Variants in INTS14 observed in about 807,000 individuals in gnomAD.
INTS14 encodes the protein integrator complex subunit 14, also known as UPF0464 protein C15orf44.
A neutral mutation model predicts 56.9 loss-of-function variants in INTS14; 27 were observed. The observed-to-expected ratio is 0.47, with a 90% CI of 0.35 to 0.65. The LOEUF is 0.65. INTS14 is among the 30% of genes least tolerant of loss of function. INTS14 has a pLI of 0.00. For synonymous variants in INTS14, 207 were observed against 236.2 expected (o/e 0.88, Z 1.13); for missense variants, 517 against 632.2 (o/e 0.82, Z 1.95).
At chr15:65,580,680 G>C (rs16948854) in intron 11 of INTS14, among the ~76,000 whole-genome samples, 4,370 of 152,272 alleles carry the variant, frequency 0.029, 225 homozygotes, top group African/African-American at 0.099. Context: ...CTAGCCTAAG[G>C]CTGGCTGTGT....
chr15:65,609,258 T>C (rs962248553), intron 1 of INTS14, among the ~76,000 whole-genome samples: 1 of 152,090 alleles, frequency 6.6e-6, no homozygotes. Context: ...CAGCCAAAAT[T>C]CCATTTGTAA....
intron 1 of INTS14, among the ~76,000 whole-genome samples, chr15:65,609,723 G>T (rs776798481): frequency 2.0e-5 from 3 of 152,232 alleles, no homozygotes; most frequent in South Asian, 2.1e-4. Flanking sequence ...TCCTGTGGTA[G>T]TCCCATTCAT....
chr15:65,599,614 T>A, intron 4 of INTS14, 160 bp downstream of exon 4: 1 of 802,032 alleles, frequency 1.2e-6, no homozygotes, highest in Admixed American at 3.2e-5. Context: ...AAAGAACATT[T>A]GAGACCCAGA....
At position 65,591,636 on chromosome 15, in the gene INTS14, G is replaced by A. The variant is rs1241223361; in HGVS notation, c.1082C>T (p.Pro361Leu). Residue 361 changes from proline (P) to leucine (L), a missense_variant, in exon 9 of 12, where the codon CCA (proline) becomes CTA (leucine). Transcript: ENST00000313182. ...SLFEPGPEPL[P>L]WLGKMAQLGP... ...CAACTGTGCCATTTTCCCTAGCCAT[G>A]GGAGAGGTTCTGGGCCAGGCTCAAA... The A allele has an allele frequency of 6.2e-7, 1 of 1,614,136 alleles. No homozygotes were observed. Among genetic ancestry groups the A allele is most frequent in the Non-Finnish European group, 8.5e-7 (1 of 1,180,012 alleles).
Position 65,607,149 on chromosome 15 carries a change from C to A in INTS14, c.222+10G>T. The A allele has an allele frequency of 1.2e-6, 2 of 1,612,690 alleles. No individual in the cohort carries two copies. The highest frequency in any genetic ancestry group is 1.7e-6 in the Non-Finnish European group (2 of 1,178,790). On this transcript the variant is annotated intron_variant, in intron 2 of 11. Coordinates refer to ENST00000313182, the MANE Select transcript of INTS14 (RefSeq NM_001394796.1). ...GCCCTGTACATACAATAACTTACTACATTTTGTACCTGTAGGGTATTATAA... is the reference window on the plus strand; with the variant it reads ...GCCCTGTACATACAATAACTTACTAAATTTTGTACCTGTAGGGTATTATAA...
At position 65,595,840 on chromosome 15, in the gene INTS14, T is replaced by G; in HGVS notation, c.749-15A>C. 2 of 1,559,806 alleles carry G rather than the reference T, an allele frequency of 1.3e-6. No individual in the cohort carries two copies. The highest frequency in any genetic ancestry group is 1.8e-6 in the Non-Finnish European group (2 of 1,142,204). On this transcript the variant is annotated splice_polypyrimidine_tract_variant and intron_variant, in intron 6 of 11. Transcript: ENST00000313182. The stretch of plus-strand genomic sequence containing the variant: ...TATTTCCAAATCTGAAATGAAGGAA[T>G]CAACACAGAATTAATTCATTCTATG...
rs1191002190 is a variant in INTS14 at position 65,607,318 on chromosome 15, C to A, written c.63G>T (p.Gly21=). ...LSMTRPVSIE[G]SEEYQRKHLA... is the part of the protein sequence containing the mutation. The stretch of plus-strand genomic sequence containing the variant: ...GGTGCTTACGCTGGTATTCCTCGGA[C>A]CCCTCAATAGACACAGGTCGGGTCA... The change falls in exon 2 of 12, where the codon GGG becomes GGT. Residue 21 remains glycine, a synonymous_variant. Coordinates refer to ENST00000313182, the MANE Select transcript of INTS14 (RefSeq NM_001394796.1). 1.9e-6 allele frequency: 3 copies of A among 1,614,186 alleles called. No individual in the cohort carries two copies. The highest frequency in any genetic ancestry group is 2.5e-6 in the Non-Finnish European group (3 of 1,180,030).
chr15:65,605,312 A>G (rs1045405981), intron 2 of INTS14, 76 bp from the exon 3 acceptor site: 3 of 1,168,416 alleles, frequency 2.6e-6, no homozygotes, highest in Non-Finnish European at 3.8e-6. Flanking sequence ...TAAATTGTTC[A>G]AAGTATGAAT....
chr15:65,598,573 C>T (rs570022012), intron 5 of INTS14, 110 bp from the exon 6 acceptor site: 2 of 1,137,194 alleles, frequency 1.8e-6, no homozygotes, highest in Admixed American at 2.7e-5. Flanking sequence ...AAACTAAGAT[C>T]TGACCATCTG....
chr15:65,599,711 T>C, intron 4 of INTS14, 63 bp downstream of exon 4: 1 of 1,570,320 alleles, frequency 6.4e-7, no homozygotes, highest in Non-Finnish European at 8.7e-7. Flanking sequence ...TGGTATATAC[T>C]GAAAAATAAA....
chr15:65,584,961 G>T, intron 9 of INTS14, 73 bp from the exon 10 acceptor site: 1 of 1,261,036 alleles, frequency 7.9e-7, no homozygotes, highest in Non-Finnish European at 1.1e-6. Flanking sequence ...TAGACTAGAA[G>T]CTCTTTGAAT....
At chr15:65,600,017 GGGCA>G in intron 3 of INTS14, 88 bp from the exon 4 acceptor site, 6 of 1,405,672 alleles carry the variant, frequency 4.3e-6, no homozygotes, top group Middle Eastern at 2.4e-4. Context: ...TGCTAGAAAG[GGGCA>G]CCAGGGCTGG....
chr15:65,588,468 C>A (rs910135587), intron 9 of INTS14, among the ~76,000 whole-genome samples: 19 of 151,702 alleles, frequency 1.3e-4, no homozygotes, highest in African/African-American at 4.6e-4. Context: ...AGTTTGAGAC[C>A]AGCCTGACCA....
intron 1 of INTS14, among the ~76,000 whole-genome samples, chr15:65,608,931 T>C: frequency 6.6e-6 from 1 of 152,210 alleles, no homozygotes; most frequent in South Asian, 2.1e-4. Context: ...TCTTGCGACA[T>C]CTGTCGCCCA....
chr15:65,583,077 T>C (rs1334706282), intron 10 of INTS14, among the ~76,000 whole-genome samples: 2 of 152,184 alleles, frequency 1.3e-5, no homozygotes, highest in African/African-American at 4.8e-5. Flanking sequence ...AGAACACTTA[T>C]ACACTGCTAG....
intron 1 of INTS14, among the ~76,000 whole-genome samples, chr15:65,608,201 C>A (rs528647853): frequency 6.6e-6 from 1 of 151,888 alleles, no homozygotes; most frequent in East Asian, 1.9e-4. Context: ...TATGGTGAAA[C>A]CCTGTCTCTA....
intron 2 of INTS14, among the ~76,000 whole-genome samples, chr15:65,606,181 G>A (rs548089468): frequency 2.6e-5 from 4 of 151,494 alleles, no homozygotes; most frequent in Non-Finnish European, 4.4e-5. Flanking sequence ...CGTGAACCCG[G>A]GGGGCGGAGC....
At chr15:65,596,264 G>A (rs918963131) in intron 6 of INTS14, among the ~76,000 whole-genome samples, 2 of 152,158 alleles carry the variant, frequency 1.3e-5, no homozygotes, top group Non-Finnish European at 2.9e-5. Flanking sequence ...ACTAGGGTAA[G>A]CAGTCTAAAT....
At chr15:65,590,973 A>C (rs2073004671) in intron 9 of INTS14, among the ~76,000 whole-genome samples, 1 of 152,224 alleles carries the variant, frequency 6.6e-6, no homozygotes, top group African/African-American at 2.4e-5. Context: ...CTGTGACAGA[A>C]TATCCAGGTG....
Sources: gnomAD v4.1 joint callset for allele counts (sites outside exome capture counted in the v4.1 genomes callset) on GRCh38, gnomAD v4.1.1 for gene constraint, MANE v1.5 for transcripts, NCBI Gene and HGNC (gene_info 2026-07-23, HGNC 2026-07-21) for gene names.